GLIS3: variants seen among roughly 807,000 people sequenced by gnomAD.
GLIS3 encodes the protein GLIS family zinc finger 3.
GLIS3 carries 53 observed loss-of-function variants against 78.6 expected under a neutral mutation model. That is an observed-to-expected ratio of 0.67 (90% CI 0.54 to 0.85). The LOEUF (loss-of-function observed/expected upper bound fraction) is 0.85. Ranked by LOEUF, GLIS3 falls within the 40% of genes least tolerant of loss-of-function variation. The probability of loss-of-function intolerance (pLI) is 0.00; values close to 1 mark genes in which losing one functional copy is unlikely to be tolerated. For synonymous variants in GLIS3, 684 were observed against 509.9 expected, an observed-to-expected ratio of 1.34 and a Z score of -4.60; for missense variants, 1,703 against 1,231.1, an observed-to-expected ratio of 1.38 and a Z score of -5.74.
At chr9:4,226,595 G>A (rs1013600431) in intron 2 of GLIS3, among the ~76,000 whole-genome samples, 1 of 152,190 alleles carries the variant, frequency 6.6e-6, no homozygotes, top group Non-Finnish European at 1.5e-5. Context: ...ATGGCTTCCT[G>A]CTTCCTTCTG....
At chr9:3,979,891 C>A (rs925810769) in intron 4 of GLIS3, among the ~76,000 whole-genome samples, 1 of 152,170 alleles carries the variant, frequency 6.6e-6, no homozygotes, top group Admixed American at 6.5e-5. Context: ...TCTCATGTGG[C>A]ATATATTCCA....
At chr9:4,315,440 C>T (rs1411105532) in intron 2 of GLIS3, among the ~76,000 whole-genome samples, 1 of 152,180 alleles carries the variant, frequency 6.6e-6, no homozygotes, top group Non-Finnish European at 1.5e-5. Context: ...GTATGCTCTC[C>T]ATTTAATAAT....
chr9:4,123,855 T>A (rs1832371754), intron 3 of GLIS3: 1 of 398,084 alleles, frequency 2.5e-6, no homozygotes, highest in South Asian at 1.3e-4. Context: ...CTACAGTGAA[T>A]AAGAATTACA....
chr9:3,850,138 G>C (rs577070020), intron 9 of GLIS3, among the ~76,000 whole-genome samples: 68 of 152,348 alleles, frequency 4.5e-4, no homozygotes, highest in African/African-American at 1.6e-3. Context: ...TAGGCAGGCA[G>C]TTCAGTGTGG....
intron 4 of GLIS3, among the ~76,000 whole-genome samples, chr9:4,070,104 AAT>A (rs1260260312): frequency 6.6e-6 from 1 of 152,014 alleles, no homozygotes; most frequent in Non-Finnish European, 1.5e-5. Flanking sequence ...AAATATATAT[AAT>A]ATATGACTTC....
intron 9 of GLIS3, among the ~76,000 whole-genome samples, chr9:3,843,008 C>T (rs1818816170): frequency 6.6e-6 from 1 of 152,118 alleles, no homozygotes; most frequent in South Asian, 2.1e-4. Flanking sequence ...GATATGGATC[C>T]AGATGACTTG....
At chr9:4,068,956 A>G (rs897597190) in intron 4 of GLIS3, among the ~76,000 whole-genome samples, 1 of 152,124 alleles carries the variant, frequency 6.6e-6, no homozygotes, top group Non-Finnish European at 1.5e-5. Context: ...GATTTAAAAA[A>G]ATCAACCGTA....
At chr9:4,103,939 G>A (rs190256647) in intron 4 of GLIS3, among the ~76,000 whole-genome samples, 134 of 152,148 alleles carry the variant, frequency 8.8e-4, no homozygotes, top group African/African-American at 2.9e-3. Flanking sequence ...ACACAGCAAC[G>A]CAAGACTAAG....
At chr9:4,069,539 G>C (rs754419611) in intron 4 of GLIS3, among the ~76,000 whole-genome samples, 5 of 152,200 alleles carry the variant, frequency 3.3e-5, no homozygotes, top group Admixed American at 6.5e-5. Flanking sequence ...TATTATCTGT[G>C]ACTAAGGTTT....
chr9:4,050,038 G>A (rs754635539), intron 4 of GLIS3, among the ~76,000 whole-genome samples: 2 of 152,076 alleles, frequency 1.3e-5, no homozygotes, highest in African/African-American at 2.4e-5. Flanking sequence ...AAGACAGTGT[G>A]GCAATTCCTC....
At chr9:4,410,053 C>G in the GLIS3 span, among the ~76,000 whole-genome samples, 68 of 152,176 alleles carry the variant, frequency 4.5e-4, no homozygotes, top group East Asian at 0.012. Context: ...TCACTGCAAA[C>G]TCTGCCTCCC....
intron 4 of GLIS3, among the ~76,000 whole-genome samples, chr9:4,079,201 A>G (rs1396640208): frequency 1.3e-5 from 2 of 152,190 alleles, no homozygotes; most frequent in African/African-American, 4.8e-5. Context: ...TAAATTTTGC[A>G]CAGATGACAT....
the GLIS3 span, among the ~76,000 whole-genome samples, chr9:4,442,850 T>C: frequency 2.0e-5 from 3 of 152,168 alleles, no homozygotes; most frequent in African/African-American, 4.8e-5. Flanking sequence ...TATAGAAGTT[T>C]TGAAGTTGCC....
At chr9:4,433,875 T>C in the GLIS3 span, among the ~76,000 whole-genome samples, 3 of 152,164 alleles carry the variant, frequency 2.0e-5, no homozygotes, top group African/African-American at 7.2e-5. Flanking sequence ...GGCAGGTGGA[T>C]CATGAGCTCA....
intron 2 of GLIS3, among the ~76,000 whole-genome samples, chr9:4,178,909 G>T (rs1817035467): frequency 6.6e-6 from 1 of 152,098 alleles, no homozygotes; most frequent in Non-Finnish European, 1.5e-5. Context: ...TGAAGAAGGG[G>T]TTTTATTATT....
intron 4 of GLIS3, among the ~76,000 whole-genome samples, chr9:4,070,119 T>C (rs931919690): frequency 1.3e-5 from 2 of 152,150 alleles, no homozygotes; most frequent in African/African-American, 4.8e-5. Flanking sequence ...ATGACTTCCA[T>C]ATTGGATCTT....
At chr9:4,355,132 G>GAA in the GLIS3 span, among the ~76,000 whole-genome samples, 68,063 of 144,950 alleles carry the variant, frequency 0.47, 17,417 homozygotes, top group Non-Finnish European at 0.57. Context: ...ACTCCATCTC[G>GAA]AAAAAAAAAA....
At chr9:4,193,432 C>G (rs1354205019) in intron 2 of GLIS3, among the ~76,000 whole-genome samples, 1 of 152,178 alleles carries the variant, frequency 6.6e-6, no homozygotes, top group Non-Finnish European at 1.5e-5. Context: ...ATTTTGCTAT[C>G]TGGCCTGTTA....
chr9:4,400,255 G>A, the GLIS3 span, among the ~76,000 whole-genome samples: 2 of 152,218 alleles, frequency 1.3e-5, no homozygotes, highest in African/African-American at 4.8e-5. Context: ...TGTAAAGAAA[G>A]ATGGAGAAGA....
Sources: gnomAD v4.1 joint callset for allele counts (sites outside exome capture counted in the v4.1 genomes callset) on GRCh38, gnomAD v4.1.1 for gene constraint, MANE v1.5 for transcripts, NCBI Gene and HGNC (gene_info 2026-07-23, HGNC 2026-07-21) for gene names.